The following GTF2IRD1 variants were observed in gnomAD, a reference collection of about 807,000 sequenced individuals.
The protein encoded by GTF2IRD1 is GTF2I repeat domain containing 1, also known as general transcription factor II-I repeat domain-containing protein 1.
In GTF2IRD1, 26 loss-of-function variants were observed where a neutral mutation model predicts 113.2. The ratio of observed to expected loss-of-function variants is 0.23; its 90% CI spans 0.17 to 0.32. GTF2IRD1 has a LOEUF of 0.32. Ranked by LOEUF, GTF2IRD1 falls within the 10% of genes least tolerant of loss-of-function variation. The probability of loss-of-function intolerance (pLI) is 1.00; values close to 1 mark genes in which losing one functional copy is unlikely to be tolerated. For synonymous variants in GTF2IRD1, 484 were observed against 529.1 expected (o/e 0.91, Z 1.17); for missense variants, 864 against 1,280.8 (o/e 0.67, Z 4.97).
chr7:74,455,190 C>T lies in GTF2IRD1; in HGVS notation c.-7+1014C>T, dbSNP rs570672497. On this transcript the variant is annotated intron_variant, in intron 1 of 26. Coordinates refer to ENST00000424337, the MANE Select transcript of GTF2IRD1 (RefSeq NM_005685.4). ...CGAGGGTGCTGGGACATAGGGGTCTCGCTGCAGGGCCTGTGAGGGGAGCAC... is the reference window on the plus strand; with the variant it reads ...CGAGGGTGCTGGGACATAGGGGTCTTGCTGCAGGGCCTGTGAGGGGAGCAC... 2.6e-5 allele frequency among the ~76,000 whole-genome samples: 4 copies of T among 152,314 alleles called. No homozygotes were observed. In the South Asian group the frequency reaches 6.2e-4, roughly 24 times the overall value.
At chr7:74,548,519 C>T (rs753617137) in intron 17 of GTF2IRD1, among the ~76,000 whole-genome samples, 3 of 152,054 alleles carry the variant, frequency 2.0e-5, no homozygotes, top group Admixed American at 1.3e-4. Flanking sequence ...CCTATAATCC[C>T]AGCACTTTGG....
intron 24 of GTF2IRD1, among the ~76,000 whole-genome samples, chr7:74,592,652 A>AC (rs1371363599): frequency 6.6e-6 from 1 of 150,808 alleles, no homozygotes; most frequent in African/African-American, 2.4e-5. Context: ...CTCCTGCCTC[A>AC]CCCTCCCGAG....
At chr7:74,560,065 G>A (rs1204454050) in intron 22 of GTF2IRD1, among the ~76,000 whole-genome samples, 1 of 152,232 alleles carries the variant, frequency 6.6e-6, no homozygotes, top group African/African-American at 2.4e-5. Context: ...ACAGGCGTGA[G>A]CCACTGCGCC....
chr7:74,591,924 G>A (rs1802086730), intron 24 of GTF2IRD1, among the ~76,000 whole-genome samples: 1 of 149,756 alleles, frequency 6.7e-6, no homozygotes, highest in African/African-American at 2.5e-5. Flanking sequence ...CCAAACCTGG[G>A]TGGCCCAGTT....
chr7:74,529,990 G>A (rs781891499), intron 9 of GTF2IRD1, 73 bp downstream of exon 9: 25 of 1,161,258 alleles, frequency 2.2e-5, no homozygotes, highest in Admixed American at 8.0e-5. Context: ...CAGGCAGATC[G>A]CTTGAGGCCA....
chr7:74,460,377 C>G (rs1473455937), intron 1 of GTF2IRD1, among the ~76,000 whole-genome samples: 1 of 151,886 alleles, frequency 6.6e-6, no homozygotes, highest in African/African-American at 2.4e-5. Flanking sequence ...TCAATGTGAT[C>G]CTCCCACCTC....
intron 15 of GTF2IRD1, 63 bp downstream of exon 15, chr7:74,544,865 G>A (rs1323064282): frequency 1.4e-5 from 19 of 1,336,114 alleles, no homozygotes; most frequent in South Asian, 9.9e-5. Context: ...TTCCCCTGCC[G>A]CCCACCTCCC....
chr7:74,455,026 C>T (rs1013117326), intron 1 of GTF2IRD1, among the ~76,000 whole-genome samples: 1 of 152,098 alleles, frequency 6.6e-6, no homozygotes, highest in Non-Finnish European at 1.5e-5. Context: ...GGAAGGGGGC[C>T]GCTGTGCCGC....
At chr7:74,523,287 G>A (rs1246569005) in intron 7 of GTF2IRD1, among the ~76,000 whole-genome samples, 1 of 151,694 alleles carries the variant, frequency 6.6e-6, no homozygotes, top group Admixed American at 6.6e-5. Flanking sequence ...GCTGCCTGGG[G>A]GGCCGAGGCA....
chr7:74,455,683 G>T (rs1792920315), intron 1 of GTF2IRD1, among the ~76,000 whole-genome samples: 2 of 152,190 alleles, frequency 1.3e-5, no homozygotes, highest in African/African-American at 4.8e-5. Flanking sequence ...GCAGGCATCT[G>T]CGGACCAAGG....
chr7:74,527,783 G>C (rs1797692541), intron 8 of GTF2IRD1, among the ~76,000 whole-genome samples: 1 of 152,162 alleles, frequency 6.6e-6, no homozygotes, highest in South Asian at 2.1e-4. Flanking sequence ...GGAGTTTGCA[G>C]TGAGCCAAGA....
chr7:74,528,988 T>TGG (rs1554348000), intron 8 of GTF2IRD1, among the ~76,000 whole-genome samples: 21 of 146,586 alleles, frequency 1.4e-4, no homozygotes, highest in African/African-American at 4.7e-4. Flanking sequence ...GATGGATGGA[T>TGG]AGACGGATGG....
chr7:74,483,372 TA>T lies in GTF2IRD1; in HGVS notation c.-6-24690del, dbSNP rs537142027. 1.3e-3 allele frequency among the ~76,000 whole-genome samples: 195 copies of T among 146,426 alleles called. 1 individual carries two copies. Among genetic ancestry groups the T allele is most frequent in the South Asian group, 2.2e-3 (10 of 4,606 alleles). On this transcript the variant is annotated intron_variant, in intron 1 of 26. Transcript: ENST00000424337. ...GGGCAACATAGCAAGGCCCCATCTC[TA>T]AAAAAAAAAAAATTTTTTTTTTAAT...
At chr7:74,473,114 C>G (rs918279672) in intron 1 of GTF2IRD1, among the ~76,000 whole-genome samples, 1 of 152,202 alleles carries the variant, frequency 6.6e-6, no homozygotes, top group Non-Finnish European at 1.5e-5. Flanking sequence ...CTTTGGAGCT[C>G]CTGACATCAC....
intron 1 of GTF2IRD1, among the ~76,000 whole-genome samples, chr7:74,479,598 C>T (rs1584484501): frequency 2.0e-5 from 3 of 152,314 alleles, no homozygotes; most frequent in Middle Eastern, 3.4e-3. Context: ...AACGCCAACT[C>T]CCCTGGGAGG....
chr7:74,469,039 C>G (rs1414951638), intron 1 of GTF2IRD1, among the ~76,000 whole-genome samples: 2 of 148,654 alleles, frequency 1.3e-5, no homozygotes, highest in East Asian at 4.0e-4. Flanking sequence ...GAACCGAGAT[C>G]GAGCCACTGC....
rs782739969 is a variant in GTF2IRD1, at chr7:74,515,475, C to A, written c.300C>A (p.His100Gln). The part of the protein sequence containing the change: ...GPPWKDPEAE[H>Q]PKKVQRGEGG... ...CGTGGAAGGATCCGGAGGCAGAGCA[C>A]CCCAAGAAGGTGCAGCGGGGCGAGG... Residue 100 changes from histidine to glutamine, a missense_variant, in exon 4 of 27, where the codon CAC (histidine) becomes CAA (glutamine). Coordinates refer to ENST00000424337, the MANE Select transcript of GTF2IRD1 (RefSeq NM_005685.4). The A allele has an allele frequency of 8.7e-6, 14 of 1,607,172 alleles. No individual in the cohort carries two copies. Among genetic ancestry groups the A allele is most frequent in the African/African-American group, 4.0e-5 (3 of 74,818 alleles).
intron 22 of GTF2IRD1, among the ~76,000 whole-genome samples, chr7:74,572,348 C>G (rs1307283721): frequency 2.0e-5 from 3 of 152,070 alleles, no homozygotes; most frequent in Admixed American, 2.0e-4. Flanking sequence ...GATAAGTTAA[C>G]TTGCTATCTC....
intron 1 of GTF2IRD1, among the ~76,000 whole-genome samples, chr7:74,475,892 C>T (rs1794373336): frequency 6.6e-6 from 1 of 152,216 alleles, no homozygotes; most frequent in Admixed American, 6.5e-5. Flanking sequence ...TGTCTGGTGA[C>T]ATTCCTGATC....
Sources: gnomAD v4.1 joint callset for allele counts (sites outside exome capture counted in the v4.1 genomes callset) on GRCh38, gnomAD v4.1.1 for gene constraint, MANE v1.5 for transcripts, NCBI Gene and HGNC (gene_info 2026-07-23, HGNC 2026-07-21) for gene names.